LTN1: variants seen among roughly 807,000 people sequenced by gnomAD.
The protein encoded by LTN1 is listerin E3 ubiquitin protein ligase 1.
Under a neutral mutation model 201.2 loss-of-function variants are expected in LTN1, and 88 were observed. The ratio of observed to expected loss-of-function variants is 0.44; its 90% CI spans 0.37 to 0.52. The LOEUF (loss-of-function observed/expected upper bound fraction) is 0.52, where lower values mean the gene tolerates loss of function less well. Ranked by LOEUF, LTN1 falls within the 20% of genes least tolerant of loss-of-function variation. The probability of loss-of-function intolerance (pLI) is 0.00; values close to 1 mark genes in which losing one functional copy is unlikely to be tolerated. For synonymous variants in LTN1, 645 were observed against 713.5 expected, an observed-to-expected ratio of 0.90 and a Z score of 1.53; for missense variants, 1,752 against 2,038.7, an observed-to-expected ratio of 0.86 and a Z score of 2.71.
chr21:28,959,497 GAA>G lies in LTN1; in HGVS notation c.2552_2553del (p.Phe851SerfsTer19). 1 of 1,613,922 alleles carries G rather than the reference GAA, an allele frequency of 6.2e-7. No homozygotes were observed. Among genetic ancestry groups the G allele is most frequent in the Non-Finnish European group, 8.5e-7 (1 of 1,179,900 alleles). ...PSSEDLLLTLFQLCAQSKEKT... is the reference protein window; with the variant it reads ...PSSEDLLLTLXQLCAQSKEKT... ...TTTTCTTTGCTCTGAGCACATAACTGAAAGAGAGTTAATAATAAATCTTCAGA... is the reference window on the plus strand; with the variant it reads ...TTTTCTTTGCTCTGAGCACATAACTGAGAGAGTTAATAATAAATCTTCAGA... On this transcript the variant is annotated frameshift_variant, in exon 13 of 30. Coordinates refer to ENST00000361371, the MANE Select transcript of LTN1 (RefSeq NM_015565.3). LOFTEE classifies it high-confidence loss of function.
At chr21:28,965,603 G>A (rs1372591456) in intron 11 of LTN1, among the ~76,000 whole-genome samples, 1 of 152,022 alleles carries the variant, frequency 6.6e-6, no homozygotes, top group Non-Finnish European at 1.5e-5. Flanking sequence ...ATCTGCCTTT[G>A]TTACCTTCTA....
chr21:28,964,687 A>G (rs1426170813), intron 11 of LTN1: 1 of 1,550,400 alleles, frequency 6.4e-7, no homozygotes, highest in African/African-American at 1.4e-5. Flanking sequence ...AACACTGGCT[A>G]GGAACTTCCA....
chr21:28,964,961 A>G (rs1460557192), intron 11 of LTN1, among the ~76,000 whole-genome samples: 1 of 152,114 alleles, frequency 6.6e-6, no homozygotes, highest in Non-Finnish European at 1.5e-5. Context: ...AATAATAAAT[A>G]TTCTGTATTT....
chr21:28,964,762 C>T lies in LTN1; in HGVS notation c.2163+1103G>A, dbSNP rs766215255. On this transcript the variant is annotated intron_variant, in intron 11 of 29. Transcript: ENST00000361371. ...GAGTATTTGCACTTCACGGCAGGTA[C>T]ATTCCTAAGTTGGAAATGGATACAT... is the stretch of plus-strand genomic sequence containing the variant. The T allele has an allele frequency of 2.6e-5, 41 of 1,549,542 alleles. No homozygotes were observed. The South Asian group carries it at 4.5e-4, about 17-fold the overall frequency.
intron 15 of LTN1, 83 bp from the exon 16 acceptor site, chr21:28,957,031 T>C: frequency 1.1e-6 from 1 of 895,704 alleles, no homozygotes; most frequent in Non-Finnish European, 1.6e-6. Context: ...TGAGAATATT[T>C]ATTACCAAAA....
intron 1 of LTN1, among the ~76,000 whole-genome samples, chr21:28,988,358 T>C (rs774189383): frequency 4.0e-5 from 6 of 151,284 alleles, no homozygotes; most frequent in Non-Finnish European, 8.8e-5. Context: ...TCCCACCTAC[T>C]CAGGAGGGTG....
At position 28,953,410 on chromosome 21, in the gene LTN1, C is replaced by A. The variant is rs764656209; in HGVS notation, c.3080-34G>T. ...AGAGACAGCACCAAATTATGAAAAG[C>A]ACTCTGTGAACAAACCCTTCAATTA... is the stretch of plus-strand genomic sequence containing the variant. On this transcript the variant is annotated intron_variant, in intron 16 of 29. Coordinates refer to ENST00000361371, the MANE Select transcript of LTN1 (RefSeq NM_015565.3). The A allele has an allele frequency of 2.0e-6, 3 of 1,523,982 alleles. No homozygotes were observed. The Admixed American group carries it at 7.0e-5, about 36-fold the overall frequency. The allele number at this position is 1,523,982 out of a possible 1,614,324, so 94.4% of individuals were successfully genotyped here. A position where few individuals can be genotyped will look rare whatever the true frequency, so the allele number is the denominator to read the frequency against.
Position 28,943,318 on chromosome 21 carries a change from TG to T in LTN1, c.4238del (p.Pro1413HisfsTer8). The T allele has an allele frequency of 6.3e-7, 1 of 1,594,852 alleles. No homozygotes were observed. The highest frequency in any genetic ancestry group is 8.6e-7 in the Non-Finnish European group (1 of 1,165,686). ...ACTTTAGATTATCCTGATCATACTG[TG>T]GTAATTCAGGCATCAATCTAGAAAT... ...HMLYKLMPELPQYDQDNLKSY... is the reference protein window; with the variant it reads ...HMLYKLMPELXQYDQDNLKSY... On this transcript the variant is annotated frameshift_variant, in exon 24 of 30. Coordinates refer to ENST00000361371, the MANE Select transcript of LTN1 (RefSeq NM_015565.3). LOFTEE classifies it high-confidence loss of function.
chr21:28,938,690 CAGAT>C (rs1332952965), intron 25 of LTN1, among the ~76,000 whole-genome samples: 3 of 152,046 alleles, frequency 2.0e-5, no homozygotes, highest in Non-Finnish European at 2.9e-5. Flanking sequence ...AATGGATAAA[CAGAT>C]AGATAAACAA....
chr21:28,928,389 T>C lies in LTN1; in HGVS notation c.*2059A>G, dbSNP rs771498208. ...AGCCACAGACACTTATGTACATACATTGGAGCATGTGATAAAAGAGTCAAA... is the reference window on the plus strand; with the variant it reads ...AGCCACAGACACTTATGTACATACACTGGAGCATGTGATAAAAGAGTCAAA... On this transcript the variant is annotated 3_prime_UTR_variant, in exon 30 of 30. Transcript: ENST00000361371. 1 of 152,450 alleles carries C rather than the reference T, an allele frequency of 6.6e-6. No homozygotes were observed. Among genetic ancestry groups the C allele is most frequent in the Non-Finnish European group, 1.5e-5 (1 of 68,008 alleles). The allele number at this position is 152,450 out of a possible 1,614,324, so 9.4% of individuals were successfully genotyped here. A position where few individuals can be genotyped will look rare whatever the true frequency, so the allele number is the denominator to read the frequency against.
At chr21:28,972,247 GA>G (rs545932519) in intron 6 of LTN1, among the ~76,000 whole-genome samples, 15 of 152,124 alleles carry the variant, frequency 9.9e-5, no homozygotes, top group Non-Finnish European at 1.6e-4. Flanking sequence ...CCTTGATCTT[GA>G]AATTTCCAGC....
chr21:28,946,130 C>T, intron 20 of LTN1, 22 bp downstream of exon 20: 1 of 1,555,082 alleles, frequency 6.4e-7, no homozygotes, highest in African/African-American at 1.4e-5. Context: ...GAAGGAAAAA[C>T]ATAGTATAAA....
intron 8 of LTN1, 53 bp from the exon 9 acceptor site, chr21:28,969,654 T>C: frequency 7.2e-7 from 1 of 1,390,416 alleles, no homozygotes; most frequent in Admixed American, 2.5e-5. Flanking sequence ...AAACAAGAAC[T>C]CAGAATTATC....
chr21:28,931,443 G>A (rs1601157673), intron 28 of LTN1, 121 bp from the exon 29 acceptor site: 1 of 611,668 alleles, frequency 1.6e-6, no homozygotes. Flanking sequence ...GCTTGGCTAT[G>A]TTCATGTCTC....
chr21:28,931,493 T>G (rs1022540472), intron 28 of LTN1, among the ~76,000 whole-genome samples, 171 bp from the exon 29 acceptor site: 1 of 152,208 alleles, frequency 6.6e-6, no homozygotes, highest in Admixed American at 6.5e-5. Flanking sequence ...ACCTCCCAAG[T>G]TTTTGGAACC....
chr21:28,947,594 T>C lies in LTN1; in HGVS notation c.3357A>G (p.Leu1119=), dbSNP rs1199093930. The C allele has an allele frequency of 1.3e-6, 2 of 1,558,980 alleles. No homozygotes were observed. Among genetic ancestry groups the C allele is most frequent in the Non-Finnish European group, 1.7e-6 (2 of 1,163,034 alleles). ...HYKRKESFFP[L]TEGNLHTIQS... is the part of the protein sequence containing the mutation. ...GAATGGTATGCAAATTGCCTTCAGTTAGTGGAAAAAAACTGTTTAAAGAAA... is the reference window on the plus strand; with the variant it reads ...GAATGGTATGCAAATTGCCTTCAGTCAGTGGAAAAAAACTGTTTAAAGAAA... The change falls in exon 19 of 30, where the codon CTA becomes CTG. Residue 1119 remains leucine (L), a synonymous_variant. Transcript: ENST00000361371.
chr21:28,975,244 G>A (rs1347874503), intron 6 of LTN1, among the ~76,000 whole-genome samples: 1 of 152,100 alleles, frequency 6.6e-6, no homozygotes, highest in African/African-American at 2.4e-5. Flanking sequence ...GGAAAAAATA[G>A]ACAATTTCAT....
Position 28,930,329 on chromosome 21 carries a change from G to A in LTN1, c.*119C>T. ...TTACATTAACCAAAATAATTTTCCAGAGAAGGTCCTATTTAAAAGTAATGC... is the reference window on the plus strand; with the variant it reads ...TTACATTAACCAAAATAATTTTCCAAAGAAGGTCCTATTTAAAAGTAATGC... On this transcript the variant is annotated 3_prime_UTR_variant, in exon 30 of 30. Coordinates refer to ENST00000361371, the MANE Select transcript of LTN1 (RefSeq NM_015565.3). The A allele has an allele frequency of 1.6e-6, 1 of 620,102 alleles. No homozygotes were observed. The highest frequency in any genetic ancestry group is 2.8e-6 in the Non-Finnish European group (1 of 357,204). The allele number at this position is 620,102 out of a possible 1,614,324, so 38.4% of individuals were successfully genotyped here.
intron 12 of LTN1, 43 bp downstream of exon 12, chr21:28,960,474 T>C (rs751967072): frequency 6.8e-7 from 1 of 1,477,710 alleles, no homozygotes; most frequent in African/African-American, 1.4e-5. Context: ...AAAGGAGAAA[T>C]GGACTATTCC....
Sources: gnomAD v4.1 joint callset for allele counts (sites outside exome capture counted in the v4.1 genomes callset) on GRCh38, gnomAD v4.1.1 for gene constraint, MANE v1.5 for transcripts, NCBI Gene and HGNC (gene_info 2026-07-23, HGNC 2026-07-21) for gene names.